The following ESR1 variants were observed in gnomAD, a reference collection of about 807,000 sequenced individuals.
ESR1 encodes estrogen receptor 1, also known as estrogen receptor.
In ESR1, 12 loss-of-function variants were observed where a neutral mutation model predicts 52.7. The observed-to-expected ratio is 0.23, with a 90% confidence interval of 0.15 to 0.37. The LOEUF (loss-of-function observed/expected upper bound fraction) is 0.37, where lower values mean the gene tolerates loss of function less well. Ranked by LOEUF, ESR1 falls within the 10% of genes least tolerant of loss-of-function variation. The probability of loss-of-function intolerance (pLI) is 1.00; values close to 1 mark genes in which losing one functional copy is unlikely to be tolerated. For synonymous variants in ESR1, 305 were observed against 316.8 expected, an observed-to-expected ratio of 0.96 and a Z score of 0.39; for missense variants, 584 against 779.7, an observed-to-expected ratio of 0.75 and a Z score of 2.99.
intron 2 of ESR1, among the ~76,000 whole-genome samples, chr6:151,740,126 T>TC (rs1448876884): frequency 6.6e-6 from 1 of 152,136 alleles, no homozygotes; most frequent in East Asian, 1.9e-4. Flanking sequence ...TTCTTTTCTT[T>TC]TTTTTTGAGA....
exon 7 of ESR1, chr6:152,125,987 T>C (rs769782360): frequency 2.6e-5 from 4 of 152,430 alleles, no homozygotes; most frequent in Non-Finnish European, 5.9e-5. Flanking sequence ...TACTTGCCCA[T>C]TTTTGATAAA....
intron 3 of ESR1, among the ~76,000 whole-genome samples, chr6:151,928,521 T>A (rs1257060294): frequency 6.6e-6 from 1 of 152,144 alleles, no homozygotes; most frequent in Non-Finnish European, 1.5e-5. Context: ...TTTGCACCAT[T>A]GTGAAGTCAA....
chr6:152,085,926 A>C (rs66465244), intron 6 of ESR1, among the ~76,000 whole-genome samples: 18,932 of 152,180 alleles, frequency 0.12, 1,503 homozygotes, highest in East Asian at 0.33. Context: ...ACAATCTTCC[A>C]CAGTGTGCAA....
At chr6:151,976,157 A>G (rs1050512801) in intron 4 of ESR1, among the ~76,000 whole-genome samples, 1 of 151,910 alleles carries the variant, frequency 6.6e-6, no homozygotes, top group African/African-American at 2.4e-5. Context: ...GTTTTTTTTT[A>G]ATGCTCAATA....
chr6:151,893,845 G>A (rs1795058174), intron 3 of ESR1, among the ~76,000 whole-genome samples: 1 of 152,100 alleles, frequency 6.6e-6, no homozygotes, highest in African/African-American at 2.4e-5. Flanking sequence ...GATCCCTGAG[G>A]GATATGGGAA....
chr6:151,794,673 G>C (rs1220502436), intron 2 of ESR1, among the ~76,000 whole-genome samples: 20 of 152,034 alleles, frequency 1.3e-4, no homozygotes, highest in Admixed American at 1.3e-3. Flanking sequence ...GTTGCAAATA[G>C]TCAAAACTGG....
At chr6:151,954,069 T>C (rs1201236861) in intron 4 of ESR1, among the ~76,000 whole-genome samples, 1 of 152,192 alleles carries the variant, frequency 6.6e-6, no homozygotes. Flanking sequence ...CTAAATCCCC[T>C]GTCTCAAGCA....
intron 7 of ESR1, among the ~76,000 whole-genome samples, chr6:152,096,911 T>C (rs2050655954): frequency 6.6e-6 from 1 of 152,206 alleles, no homozygotes; most frequent in African/African-American, 2.4e-5. Flanking sequence ...TGCATTGCAG[T>C]TGGGTGTTTT....
intron 3 of ESR1, among the ~76,000 whole-genome samples, chr6:151,887,093 T>A (rs1793984053): frequency 6.6e-6 from 1 of 151,488 alleles, no homozygotes; most frequent in Non-Finnish European, 1.5e-5. Context: ...GATGGTAGAA[T>A]CAAATTAATA....
At chr6:152,028,709 C>T (rs1050150974) in intron 5 of ESR1, among the ~76,000 whole-genome samples, 1 of 152,224 alleles carries the variant, frequency 6.6e-6, no homozygotes, top group African/African-American at 2.4e-5. Context: ...GTAGACTCCA[C>T]CTCTGGGGGC....
intron 2 of ESR1, among the ~76,000 whole-genome samples, chr6:151,709,291 G>A (rs930245081): frequency 8.5e-5 from 13 of 152,106 alleles, no homozygotes; most frequent in African/African-American, 3.1e-4. Context: ...GTTCATCCGT[G>A]TTGTTGCAAA....
intron 1 of ESR1, among the ~76,000 whole-genome samples, chr6:151,672,278 TA>T (rs1203411920): frequency 2.0e-5 from 3 of 151,412 alleles, no homozygotes; most frequent in African/African-American, 4.9e-5. Context: ...ATTTGTCAAT[TA>T]AAAAAAAGAG....
chr6:152,050,368 C>A (rs1384570378), intron 5 of ESR1, among the ~76,000 whole-genome samples: 1 of 152,200 alleles, frequency 6.6e-6, no homozygotes, highest in South Asian at 2.1e-4. Context: ...GAAATATAAT[C>A]CTTCTAAATG....
chr6:151,858,813 T>C (rs908833283), intron 2 of ESR1, among the ~76,000 whole-genome samples: 2 of 152,196 alleles, frequency 1.3e-5, no homozygotes, highest in African/African-American at 2.4e-5. Context: ...TACTTAATAG[T>C]ATATTTGAAA....
At chr6:151,887,028 G>GAGACTCCAGCCTGGGTGACGGAATT (rs1227013723) in intron 3 of ESR1, among the ~76,000 whole-genome samples, 1 of 143,276 alleles carries the variant, frequency 7.0e-6, no homozygotes, top group Non-Finnish European at 1.5e-5. Context: ...GTGACGGAAT[G>GAGACTCCAGCCTGGGTGACGGAATT]AGACTCCATC....
At chr6:151,822,771 T>C (rs1300273344) in intron 1 of ESR1, among the ~76,000 whole-genome samples, 1 of 152,218 alleles carries the variant, frequency 6.6e-6, no homozygotes, top group Non-Finnish European at 1.5e-5. Context: ...AGCTTGTTTC[T>C]TTTTCTTTTT....
chr6:151,863,857 T>C (rs1277455058), intron 2 of ESR1, among the ~76,000 whole-genome samples: 4 of 152,178 alleles, frequency 2.6e-5, no homozygotes, highest in East Asian at 1.9e-4. Context: ...TGGCTAGCCA[T>C]ATGTAGAAAG....
At chr6:151,776,481 G>A (rs1234069006) in intron 2 of ESR1, among the ~76,000 whole-genome samples, 1 of 152,212 alleles carries the variant, frequency 6.6e-6, no homozygotes, top group African/African-American at 2.4e-5. Context: ...TTAACTACCA[G>A]GGAATTAGCT....
At chr6:151,841,980 A>G (rs987002859) in intron 1 of ESR1, among the ~76,000 whole-genome samples, 2 of 152,192 alleles carry the variant, frequency 1.3e-5, no homozygotes, top group Non-Finnish European at 2.9e-5. Context: ...TGGCCTCCCA[A>G]AGTGCTGGGA....
Sources: allele counts gnomAD v4.1 joint callset (sites outside exome capture counted in the v4.1 genomes callset), GRCh38; gene constraint gnomAD v4.1.1; transcripts MANE v1.5; gene names NCBI Gene and HGNC (gene_info 2026-07-23, HGNC 2026-07-21).